The following NTN1 variants were observed in gnomAD, a reference collection of about 807,000 sequenced individuals.
The protein encoded by NTN1 is netrin-1.
NTN1 carries 11 observed loss-of-function variants against 54.2 expected under a neutral mutation model. That is an observed-to-expected ratio of 0.20 (90% CI 0.13 to 0.34). NTN1 has a LOEUF of 0.34. NTN1 is among the 10% of genes least tolerant of loss of function. NTN1 has a pLI of 1.00. For missense variants in NTN1, 740 were observed against 893.1 expected (o/e 0.83, Z 2.18); for synonymous variants, 371 against 382.0 (o/e 0.97, Z 0.33).
chr17:9,012,989 A>C, the NTN1 span, among the ~76,000 whole-genome samples: 2 of 151,510 alleles, frequency 1.3e-5, no homozygotes, highest in Non-Finnish European at 2.9e-5. Context: ...TTAAAGGGGG[A>C]TGTATACATT....
At chr17:9,136,040 G>C (rs550154016) in intron 2 of NTN1, among the ~76,000 whole-genome samples, 31 of 152,260 alleles carry the variant, frequency 2.0e-4, no homozygotes, top group South Asian at 8.3e-4. Context: ...GTGTCCCCCT[G>C]GTGCGATGAC....
chr17:9,164,874 G>C (rs767974861), intron 3 of NTN1, among the ~76,000 whole-genome samples: 1 of 152,124 alleles, frequency 6.6e-6, no homozygotes, highest in African/African-American at 2.4e-5. Context: ...CCAGGCAAAG[G>C]GACCCGAGAA....
chr17:9,020,951 A>G (rs1354992473), upstream of NTN1, among the ~76,000 whole-genome samples: 2 of 151,880 alleles, frequency 1.3e-5, no homozygotes, highest in African/African-American at 4.8e-5. Flanking sequence ...TCGGGCAAAA[A>G]TGGAGAGCAG....
chr17:9,178,765 C>T (rs1485535147), intron 3 of NTN1, among the ~76,000 whole-genome samples: 4 of 152,212 alleles, frequency 2.6e-5, no homozygotes, highest in East Asian at 1.9e-4. Context: ...CTTCTTCCTT[C>T]GGTGTTCCCC....
chr17:9,102,307 A>T (rs1567710894), intron 2 of NTN1, among the ~76,000 whole-genome samples: 1 of 141,392 alleles, frequency 7.1e-6, no homozygotes, highest in Non-Finnish European at 1.5e-5. Flanking sequence ...ACTTACAATC[A>T]TGGCAGAAGG....
intron 6 of NTN1, among the ~76,000 whole-genome samples, chr17:9,231,324 C>G (rs576830827): frequency 6.6e-6 from 1 of 152,290 alleles, no homozygotes. Flanking sequence ...CCCAAGTAGT[C>G]TACAGGAGCT....
At position 9,194,675 on chromosome 17, in the gene NTN1, A is replaced by T. The variant is rs374752687; in HGVS notation, c.1411+11706A>T. ...TAATTAAGTGTCCCTTGGGGGACAG[A>T]GGAGCCTCTGGCTAAGAACCACTGG... On this transcript the variant is annotated intron_variant, in intron 5 of 6. Coordinates refer to ENST00000173229, the MANE Select transcript of NTN1 (RefSeq NM_004822.3). 4.2e-4 allele frequency among the ~76,000 whole-genome samples: 64 copies of T among 152,270 alleles called. 1 individual carries two copies. Among genetic ancestry groups the T allele is most frequent in the Middle Eastern group, 3.4e-3 (1 of 294 alleles).
chr17:9,187,491 T>A (rs949770684), intron 5 of NTN1, among the ~76,000 whole-genome samples: 4 of 152,080 alleles, frequency 2.6e-5, no homozygotes, highest in African/African-American at 9.7e-5. Context: ...GTGGCATATC[T>A]ATACAGGGAC....
intron 2 of NTN1, among the ~76,000 whole-genome samples, chr17:9,131,139 C>G (rs2092263737): frequency 6.6e-6 from 1 of 152,326 alleles, no homozygotes; most frequent in Admixed American, 6.5e-5. Flanking sequence ...CCTGTGTCTA[C>G]ATGGCTCACA....
rs573230179 is a variant in NTN1, at chr17:9,180,171, T to A, written c.1357+215T>A. ...CTCCTGCCTCAGTCTTCCAAGTAGC[T>A]GGAATTACAGGCGCAAGCCTTCATG... On this transcript the variant is annotated intron_variant, in intron 4 of 6. Coordinates refer to ENST00000173229, the MANE Select transcript of NTN1 (RefSeq NM_004822.3). Among the ~76,000 whole-genome samples the A allele has an allele frequency of 2.0e-5, 3 of 152,374 alleles. No individual in the cohort carries two copies. The South Asian group carries it at 6.2e-4, about 32-fold the overall frequency.
chr17:9,114,338 A>T (rs1254939669), intron 2 of NTN1, among the ~76,000 whole-genome samples: 1 of 151,020 alleles, frequency 6.6e-6, no homozygotes, highest in East Asian at 1.9e-4. Context: ...TTCTATTAAC[A>T]TATTTAGGGT....
intron 2 of NTN1, among the ~76,000 whole-genome samples, chr17:9,072,738 C>T (rs543722702): frequency 2.0e-5 from 3 of 152,176 alleles, no homozygotes; most frequent in African/African-American, 2.4e-5. Context: ...TCTCTCCCCC[C>T]AGAATTGAGT....
chr17:9,133,899 CTT>C (rs71361867), intron 2 of NTN1, among the ~76,000 whole-genome samples: 4 of 85,444 alleles, frequency 4.7e-5, no homozygotes, highest in African/African-American at 9.8e-5. Context: ...TGGGCCTAGC[CTT>C]TTTTTTTTTT....
intron 4 of NTN1, among the ~76,000 whole-genome samples, chr17:9,180,554 C>T (rs1334559299): frequency 2.6e-5 from 4 of 152,368 alleles, no homozygotes; most frequent in African/African-American, 9.6e-5. Flanking sequence ...GCCCCATTCT[C>T]ACTGTCCACC....
intron 2 of NTN1, among the ~76,000 whole-genome samples, chr17:9,048,379 T>C (rs2091947888): frequency 6.6e-6 from 1 of 152,060 alleles, no homozygotes; most frequent in African/African-American, 2.4e-5. Flanking sequence ...AAGTACACCA[T>C]GCTGTAAACA....
chr17:9,030,763 A>G lies in NTN1; in HGVS notation c.1018+7372A>G, dbSNP rs1292377997. Among the ~76,000 whole-genome samples the G allele has an allele frequency of 3.3e-5, 5 of 152,144 alleles. No homozygotes were observed. In the East Asian group the frequency reaches 7.7e-4, roughly 23 times the overall value. Reference sequence around the variant, plus strand: ...CAGAAAAAAAAGAAAAGAAAAAAAAAAGAAAGAAAAGAAAGATGGTTCTGT... The same window carrying G: ...CAGAAAAAAAAGAAAAGAAAAAAAAGAGAAAGAAAAGAAAGATGGTTCTGT... On this transcript the variant is annotated intron_variant, in intron 2 of 6. Transcript: ENST00000173229.
intron 2 of NTN1, among the ~76,000 whole-genome samples, chr17:9,047,953 C>T (rs539558383): frequency 1.3e-5 from 2 of 152,170 alleles, no homozygotes; most frequent in Non-Finnish European, 2.9e-5. Flanking sequence ...GCCTCGGCCT[C>T]CCAAAGTGCT....
chr17:9,149,967 C>T (rs547922930), intron 2 of NTN1, among the ~76,000 whole-genome samples: 1 of 151,938 alleles, frequency 6.6e-6, no homozygotes, highest in African/African-American at 2.4e-5. Context: ...TTTGGGAGGT[C>T]GAGGAGGGTG....
At chr17:9,226,437 CGG>C (rs1567744936) in intron 6 of NTN1, among the ~76,000 whole-genome samples, 49,336 of 110,732 alleles carry the variant, frequency 0.45, 9,086 homozygotes, top group East Asian at 0.56. Flanking sequence ...CGTGGGGAGG[CGG>C]TCTCGTGGGG....
Sources: allele counts gnomAD v4.1 joint callset (sites outside exome capture counted in the v4.1 genomes callset), GRCh38; gene constraint gnomAD v4.1.1; transcripts MANE v1.5; gene names NCBI Gene and HGNC (gene_info 2026-07-23, HGNC 2026-07-21).